SLC30A4: variants seen among roughly 807,000 people sequenced by gnomAD.
SLC30A4 encodes the protein probable proton-coupled zinc antiporter SLC30A4.
A neutral mutation model predicts 41.7 loss-of-function variants in SLC30A4; 20 were observed. That is an observed-to-expected ratio of 0.48 (90% CI 0.34 to 0.70). SLC30A4 has a LOEUF of 0.70. Ranked by LOEUF, SLC30A4 falls within the 30% of genes least tolerant of loss-of-function variation. The probability of loss-of-function intolerance (pLI) is 0.01; values close to 1 mark genes in which losing one functional copy is unlikely to be tolerated. For missense variants in SLC30A4, 441 were observed against 529.3 expected (o/e 0.83, Z 1.64); for synonymous variants, 181 against 195.9 (o/e 0.92, Z 0.64).
chr15:45,510,471 T>C (rs905688125), intron 3 of SLC30A4, among the ~76,000 whole-genome samples: 1 of 152,216 alleles, frequency 6.6e-6, no homozygotes, highest in Non-Finnish European at 1.5e-5. Context: ...TGTCAACTTT[T>C]GGGTTCTACT....
At chr15:45,510,654 C>T (rs1892267867) in intron 3 of SLC30A4, among the ~76,000 whole-genome samples, 1 of 152,128 alleles carries the variant, frequency 6.6e-6, no homozygotes, top group African/African-American at 2.4e-5. Flanking sequence ...AAAATTTGTT[C>T]AAAACAGGCA....
intron 3 of SLC30A4, among the ~76,000 whole-genome samples, chr15:45,510,605 A>G (rs978461640): frequency 3.9e-5 from 6 of 152,252 alleles, no homozygotes; most frequent in Admixed American, 6.5e-5. Flanking sequence ...AGCTGTGTAG[A>G]TAGCAATGTA....
chr15:45,513,896 G>A (rs960693466), intron 2 of SLC30A4: 2 of 152,390 alleles, frequency 1.3e-5, no homozygotes, highest in Middle Eastern at 3.4e-3. Context: ...AGCTTGCCCT[G>A]TATGAACAGC....
At chr15:45,519,311 C>T (rs1892595034) in intron 2 of SLC30A4, 1 of 152,194 alleles carries the variant, frequency 6.6e-6, no homozygotes, top group South Asian at 2.1e-4. Context: ...AATCTTGGCT[C>T]ACTGCAACCT....
intron 2 of SLC30A4, among the ~76,000 whole-genome samples, chr15:45,514,613 C>T (rs578228573): frequency 9.1e-4 from 134 of 147,636 alleles, no homozygotes; most frequent in African/African-American, 3.2e-3. Context: ...CTTCTGGGTT[C>T]AAGCAATTCT....
chr15:45,518,059 C>T (rs1175886928), intron 2 of SLC30A4, among the ~76,000 whole-genome samples: 2 of 152,368 alleles, frequency 1.3e-5, no homozygotes, highest in East Asian at 3.9e-4. Flanking sequence ...CTGATCTCTT[C>T]CTCCTGCCTC....
Position 45,487,539 on chromosome 15 carries a change from T to C in SLC30A4, c.988A>G (p.Ile330Val). The change falls in exon 6 of 8, where the codon ATA becomes GTA. Residue 330 changes from isoleucine (I) to valine (V), a missense_variant. Transcript: ENST00000261867. ...TFRIIWDTVV[I>V]ILEGVPSHLN... ...AGTGAGATCTTACCTTCTAGTATTA[T>C]AACTACTGTATCCCATATGATTCGA... 3.4e-6 allele frequency: 5 copies of C among 1,463,422 alleles called. No homozygotes were observed. Among genetic ancestry groups the C allele is most frequent in the Non-Finnish European group, 4.8e-6 (5 of 1,043,940 alleles). The allele number at this position is 1,463,422 out of a possible 1,614,324, so 90.7% of individuals were successfully genotyped here.
At position 45,522,623 on chromosome 15, in the gene SLC30A4, G is replaced by C; in HGVS notation, c.-131C>G. 1 of 320,044 alleles carries C rather than the reference G, an allele frequency of 3.1e-6. No homozygotes were observed. Among genetic ancestry groups the C allele is most frequent in the Non-Finnish European group, 5.6e-6 (1 of 177,752 alleles). 19.8% of individuals were successfully genotyped at this position (320,044 alleles called of 1,614,324 possible). A position where few individuals can be genotyped will look rare whatever the true frequency, so the allele number is the denominator to read the frequency against. On this transcript the variant is annotated 5_prime_UTR_variant, in exon 1 of 8. Coordinates refer to ENST00000261867, the MANE Select transcript of SLC30A4 (RefSeq NM_013309.6). ...ATTTAATACCTGGGGCGCTGCCGCG[G>C]GGCCGCAACTCATCTCCCCGCCCCC...
chr15:45,489,290 C>T (rs950794027), intron 4 of SLC30A4, among the ~76,000 whole-genome samples: 6 of 151,868 alleles, frequency 4.0e-5, no homozygotes, highest in African/African-American at 1.5e-4. Flanking sequence ...TAAGGTATAG[C>T]CAGGCAATGT....
rs1174506244 is a variant in SLC30A4 at position 45,490,755 on chromosome 15, G to A, written c.665C>T (p.Ala222Val). The A allele has an allele frequency of 6.2e-7, 1 of 1,606,720 alleles. No homozygotes were observed. Among genetic ancestry groups the A allele is most frequent in the Non-Finnish European group, 8.5e-7 (1 of 1,176,810 alleles). The change falls in exon 4 of 8, where the codon GCA (alanine) becomes GTA (valine). Residue 222 changes from alanine (A) to valine (V), a missense_variant. Around this residue, in one of 3 missense-constraint regions of SLC30A4, gnomAD observed 312 missense variants for 341.9 expected, o/e 0.91. Coordinates refer to ENST00000261867, the MANE Select transcript of SLC30A4 (RefSeq NM_013309.6). Reference sequence around the variant, plus strand: ...TACATTAACTGCAACTCCAACAGCTGCGGTGATGAGCATTATATCTCCATT... The same window carrying A: ...TACATTAACTGCAACTCCAACAGCTACGGTGATGAGCATTATATCTCCATT... ...EINGDIMLIT[A>V]AVGVAVNVIM...
At position 45,485,128 on chromosome 15, in the gene SLC30A4, G is replaced by T; in HGVS notation, c.*35C>A. The T allele has an allele frequency of 6.4e-7, 1 of 1,570,730 alleles. No individual in the cohort carries two copies. Among genetic ancestry groups the T allele is most frequent in the Non-Finnish European group, 8.7e-7 (1 of 1,149,102 alleles). On this transcript the variant is annotated 3_prime_UTR_variant, in exon 8 of 8. Transcript: ENST00000261867. ...ATTGCTCTCAAGTCTGTGACTGCAG[G>T]ATAAATAAGGCAGGAGTTCCCAAAA...
At chr15:45,518,837 C>T (rs1354278494) in intron 2 of SLC30A4, among the ~76,000 whole-genome samples, 1 of 152,130 alleles carries the variant, frequency 6.6e-6, no homozygotes, top group Admixed American at 6.6e-5. Flanking sequence ...GGATTATAGG[C>T]ATGAGCCACT....
At chr15:45,504,072 G>A (rs1336589232) in intron 3 of SLC30A4, among the ~76,000 whole-genome samples, 1 of 152,184 alleles carries the variant, frequency 6.6e-6, no homozygotes, top group Admixed American at 6.6e-5. Context: ...ACTGAGAGGG[G>A]AAGTAATAGC....
At chr15:45,510,113 C>A in intron 3 of SLC30A4, among the ~76,000 whole-genome samples, 1 of 149,636 alleles carries the variant, frequency 6.7e-6, no homozygotes, top group African/African-American at 2.5e-5. Flanking sequence ...AAGATCACAC[C>A]ACTGCACTCC....
chr15:45,510,192 G>A (rs1312628479), intron 3 of SLC30A4, among the ~76,000 whole-genome samples: 1 of 149,788 alleles, frequency 6.7e-6, no homozygotes, highest in African/African-American at 2.5e-5. Flanking sequence ...GAAAATGTAC[G>A]TAAAGAAACA....
chr15:45,494,141 T>C (rs2140821287), intron 3 of SLC30A4, among the ~76,000 whole-genome samples: 1 of 152,290 alleles, frequency 6.6e-6, no homozygotes, highest in South Asian at 2.1e-4. Flanking sequence ...GTAGTTCACA[T>C]TGATAGCAGG....
At chr15:45,517,811 G>A (rs1250694611) in intron 2 of SLC30A4, among the ~76,000 whole-genome samples, 2 of 152,022 alleles carry the variant, frequency 1.3e-5, no homozygotes, top group African/African-American at 2.4e-5. Context: ...AGCTAGGCGC[G>A]GTGGGGGGCG....
At chr15:45,498,814 T>C (rs1262797312) in intron 3 of SLC30A4, among the ~76,000 whole-genome samples, 1 of 152,222 alleles carries the variant, frequency 6.6e-6, no homozygotes, top group Non-Finnish European at 1.5e-5. Flanking sequence ...TGGGAGGAAG[T>C]TGTCAAAATG....
At chr15:45,492,783 CA>C (rs2140819340) in intron 3 of SLC30A4, among the ~76,000 whole-genome samples, 1 of 152,060 alleles carries the variant, frequency 6.6e-6, no homozygotes, top group South Asian at 2.1e-4. Context: ...CCTGTAAATG[CA>C]ATCTCCAGAA....
Sources: allele counts gnomAD v4.1 joint callset (sites outside exome capture counted in the v4.1 genomes callset), GRCh38; gene constraint gnomAD v4.1.1; regional missense constraint gnomAD v4.1.1; transcripts MANE v1.5; gene names NCBI Gene and HGNC (gene_info 2026-07-23, HGNC 2026-07-21).